PPFIBP2: variants seen among roughly 807,000 people sequenced by gnomAD.
The protein encoded by PPFIBP2 is PPFIB scaffold protein 2.
Under a neutral mutation model 118.3 loss-of-function variants are expected in PPFIBP2, and 118 were observed. The ratio of observed to expected loss-of-function variants is 1.00; its 90% confidence interval spans 0.86 to 1.16. The LOEUF is 1.16. PPFIBP2 is among the 50% of genes most tolerant of loss of function. The probability of loss-of-function intolerance (pLI) is 0.00; values close to 1 mark genes in which losing one functional copy is unlikely to be tolerated. For synonymous variants in PPFIBP2, 414 were observed against 397.4 expected (o/e 1.04, Z -0.50); for missense variants, 1,195 against 1,073.1 (o/e 1.11, Z -1.59).
chr11:7,615,543 A>G (rs34823957), intron 6 of PPFIBP2, among the ~76,000 whole-genome samples: 19,053 of 152,158 alleles, frequency 0.13, 1,477 homozygotes, highest in African/African-American at 0.21. Context: ...CACAAGGGGC[A>G]GTAATGGAGG....
At chr11:7,657,905 C>T (rs1299806174), downstream of PPFIBP2, among the ~76,000 whole-genome samples, 1 of 152,208 alleles carries the variant, frequency 6.6e-6, no homozygotes, top group African/African-American at 2.4e-5. Flanking sequence ...TGCACTGGCT[C>T]CTGTAGACAG....
At chr11:7,615,930 A>G (rs1263000497) in intron 6 of PPFIBP2, among the ~76,000 whole-genome samples, 1 of 152,240 alleles carries the variant, frequency 6.6e-6, no homozygotes, top group Non-Finnish European at 1.5e-5. Context: ...CTACTTAAAT[A>G]TAATTCTGAC....
At chr11:7,591,274 CA>C (rs1177536053) in intron 3 of PPFIBP2, among the ~76,000 whole-genome samples, 158 of 151,924 alleles carry the variant, frequency 1.0e-3, no homozygotes, top group African/African-American at 2.8e-3. Flanking sequence ...TTCTCTCCTT[CA>C]TTTCCTGCCA....
At chr11:7,548,729 G>A (rs1213352638) in intron 1 of PPFIBP2, among the ~76,000 whole-genome samples, 1 of 152,168 alleles carries the variant, frequency 6.6e-6, no homozygotes, top group Non-Finnish European at 1.5e-5. Flanking sequence ...TTAAGGTAGT[G>A]GCCGGACTGT....
At chr11:7,594,380 A>G (rs558614291) in intron 4 of PPFIBP2, among the ~76,000 whole-genome samples, 1 of 152,182 alleles carries the variant, frequency 6.6e-6, no homozygotes, top group African/African-American at 2.4e-5. Context: ...TTTCTTCATT[A>G]TAAAATAATT....
In PPFIBP2 at chr11:7,549,544, G is replaced by A. The variant is rs901984899; in HGVS notation, c.64+5G>A. 13 of 1,551,576 alleles carry A rather than the reference G, an allele frequency of 8.4e-6. No homozygotes were observed. Among genetic ancestry groups the A allele is most frequent in the East Asian group, 2.4e-5 (1 of 41,050 alleles). On this transcript the variant is annotated splice_donor_5th_base_variant and intron_variant, in intron 2 of 23. Transcript: ENST00000299492. ...AAATGGACGGGATCATTGCAGGTAC[G>A]CCCAGGGAACCCCAGCAACCAAGGT...
intron 3 of PPFIBP2, among the ~76,000 whole-genome samples, chr11:7,574,196 A>G (rs1855996023): frequency 6.6e-6 from 1 of 152,176 alleles, no homozygotes; most frequent in Non-Finnish European, 1.5e-5. Flanking sequence ...TGCATGTTGC[A>G]GGCAGTAATG....
intron 16 of PPFIBP2, 22 bp from the exon 17 acceptor site, chr11:7,642,276 C>G: frequency 6.2e-7 from 1 of 1,613,172 alleles, no homozygotes; most frequent in African/African-American, 1.3e-5. Context: ...ATGACCGTCT[C>G]CATGGATTCT....
At chr11:7,533,636 G>A (rs1850951685) in intron 1 of PPFIBP2, among the ~76,000 whole-genome samples, 1 of 152,258 alleles carries the variant, frequency 6.6e-6, no homozygotes, top group Non-Finnish European at 1.5e-5. Flanking sequence ...GGGATGAGGG[G>A]TAATGGTGTT....
chr11:7,602,087 C>CAAAACA (rs1846721123), intron 5 of PPFIBP2, among the ~76,000 whole-genome samples: 1 of 56,184 alleles, frequency 1.8e-5, no homozygotes, highest in Non-Finnish European at 3.6e-5. Flanking sequence ...GAATGAAACT[C>CAAAACA]AAAAAAAAAA....
chr11:7,525,231 C>T (rs1447377228), intron 1 of PPFIBP2, among the ~76,000 whole-genome samples: 1 of 152,170 alleles, frequency 6.6e-6, no homozygotes, highest in African/African-American at 2.4e-5. Context: ...AATAGCTCTA[C>T]ACCAATTCGC....
chr11:7,651,040 GGC>G, intron 22 of PPFIBP2, 75 bp downstream of exon 22: 1 of 1,495,320 alleles, frequency 6.7e-7, no homozygotes, highest in Non-Finnish European at 9.0e-7. Context: ...TTAAGGACAA[GGC>G]ACAAAAGCTA....
the PPFIBP2 span, chr11:7,665,690 C>CA: frequency 8.8e-7 from 1 of 1,137,180 alleles, no homozygotes; most frequent in South Asian, 1.6e-5. Flanking sequence ...CTGCTCCCTG[C>CA]AAAAAGCCTC....
rs1318689035 is a variant in PPFIBP2, at chr11:7,577,342, T to TGC, written c.279+11576_279+11577insCG. 8.7e-5 allele frequency: 28 copies of TGC among 322,958 alleles called. 1 individual carries two copies. Among genetic ancestry groups the TGC allele is most frequent in the South Asian group, 3.8e-4 (16 of 41,780 alleles). The allele number at this position is 322,958 out of a possible 1,614,324, so 20.0% of individuals were successfully genotyped here. A position where few individuals can be genotyped will look rare whatever the true frequency, so the allele number is the denominator to read the frequency against. On this transcript the variant is annotated intron_variant, in intron 3 of 23. Coordinates refer to ENST00000299492, the MANE Select transcript of PPFIBP2 (RefSeq NM_003621.5). The stretch of plus-strand genomic sequence containing the variant: ...GTGCGTGTGTGTGTGTGTGTGTGTG[T>TGC]GTGTGTGTGTTTGTTGGGGTGGTCG...
chr11:7,573,034 C>T (rs1261106870), intron 3 of PPFIBP2, among the ~76,000 whole-genome samples: 2 of 152,190 alleles, frequency 1.3e-5, no homozygotes, highest in East Asian at 3.8e-4. Flanking sequence ...CCCACCTCAG[C>T]CTCCGAAAGT....
At chr11:7,662,021 T>A (rs1283603260), downstream of PPFIBP2, among the ~76,000 whole-genome samples, 1 of 140,564 alleles carries the variant, frequency 7.1e-6, no homozygotes, top group Admixed American at 7.2e-5. Flanking sequence ...TCCATCCTTT[T>A]ATTTTGAGCC....
At chr11:7,583,099 C>T (rs989821271) in intron 3 of PPFIBP2, among the ~76,000 whole-genome samples, 1 of 152,214 alleles carries the variant, frequency 6.6e-6, no homozygotes, top group African/African-American at 2.4e-5. Context: ...TCTACTCCCT[C>T]CTGGTCACTC....
intron 6 of PPFIBP2, among the ~76,000 whole-genome samples, chr11:7,612,923 G>A (rs1442943176): frequency 6.6e-6 from 1 of 152,236 alleles, no homozygotes; most frequent in Non-Finnish European, 1.5e-5. Flanking sequence ...CTATTGTCAT[G>A]TGCATGGAGA....
At chr11:7,664,922 A>G in the PPFIBP2 span, among the ~76,000 whole-genome samples, 1 of 151,206 alleles carries the variant, frequency 6.6e-6, no homozygotes, top group Non-Finnish European at 1.5e-5. Context: ...TCCTACCATG[A>G]CCCCTAGTGC....
Sources: gnomAD v4.1 joint callset for allele counts (sites outside exome capture counted in the v4.1 genomes callset) on GRCh38, gnomAD v4.1.1 for gene constraint, MANE v1.5 for transcripts, NCBI Gene and HGNC (gene_info 2026-07-23, HGNC 2026-07-21) for gene names.